RPS6KC1: variants seen among roughly 807,000 people sequenced by gnomAD.
RPS6KC1 encodes ribosomal protein S6 kinase C1.
RPS6KC1 carries 54 observed loss-of-function variants against 103.8 expected under a neutral mutation model. The observed-to-expected ratio is 0.52, with a 90% CI of 0.42 to 0.65. The LOEUF is 0.65. Among genes scored for constraint, RPS6KC1 ranks in the 30% least tolerant of loss-of-function variants. The pLI is 0.00. For missense variants in RPS6KC1, 1,151 were observed against 1,253.8 expected, an observed-to-expected ratio of 0.92 and a Z score of 1.24; for synonymous variants, 439 against 438.7, an observed-to-expected ratio of 1.00 and a Z score of -0.01.
the RPS6KC1 span, among the ~76,000 whole-genome samples, chr1:213,709,824 C>A: frequency 6.6e-6 from 1 of 152,098 alleles, no homozygotes; most frequent in South Asian, 2.1e-4. Flanking sequence ...TGTAGTTGTG[C>A]GGTTTTGAGT....
chr1:213,372,966 A>G, the RPS6KC1 span, among the ~76,000 whole-genome samples: 3 of 152,184 alleles, frequency 2.0e-5, no homozygotes, highest in East Asian at 5.8e-4. Context: ...TTGAAGGTGT[A>G]TGTTTGACAA....
chr1:213,748,829 TC>T, the RPS6KC1 span, among the ~76,000 whole-genome samples: 1 of 152,242 alleles, frequency 6.6e-6, no homozygotes, highest in African/African-American at 2.4e-5. Flanking sequence ...GAACTGTCTC[TC>T]CTTTTCCTTC....
In RPS6KC1 at chr1:213,260,864, G is replaced by A. The variant is rs149770976; in HGVS notation, c.2912-694G>A. ...TTACATTTCAGGAACTTGTGCTGGC[G>A]AGAGATAGGGATAACACAGATAAAA... On this transcript the variant is annotated intron_variant, in intron 12 of 14. Transcript: ENST00000366960. 5.1e-4 allele frequency among the ~76,000 whole-genome samples: 78 copies of A among 152,082 alleles called. No homozygotes were observed. The East Asian group carries it at 6.7e-3, about 13-fold the overall frequency.
chr1:213,583,699 T>G, the RPS6KC1 span, among the ~76,000 whole-genome samples: 1 of 150,952 alleles, frequency 6.6e-6, no homozygotes. Flanking sequence ...TGTGTGCCTG[T>G]AACCCCAGCT....
At position 213,051,304 on chromosome 1, in the gene RPS6KC1, C is replaced by CTCGCCGCT; in HGVS notation, c.-92_-85dup. 1 of 840,378 alleles carries CTCGCCGCT rather than the reference C, an allele frequency of 1.2e-6. No homozygotes were observed. Among genetic ancestry groups the CTCGCCGCT allele is most frequent in the Non-Finnish European group, 1.9e-6 (1 of 520,226 alleles). The allele number at this position is 840,378 out of a possible 1,614,324, so 52.1% of individuals were successfully genotyped here. A position where few individuals can be genotyped will look rare whatever the true frequency, so the allele number is the denominator to read the frequency against. On this transcript the variant is annotated 5_prime_UTR_variant, in exon 1 of 15. Coordinates refer to ENST00000366960, the MANE Select transcript of RPS6KC1 (RefSeq NM_012424.6). ...GGAGCCGCCTTGGAGCCACCGCCCC[C>CTCGCCGCT]TCGCCGCTTCGCCGCTGCGTTGGGG...
intron 6 of RPS6KC1, among the ~76,000 whole-genome samples, chr1:213,162,699 C>T (rs1432298912): frequency 2.0e-5 from 3 of 152,186 alleles, no homozygotes; most frequent in Non-Finnish European, 4.4e-5. Flanking sequence ...AACACTGTCT[C>T]TGTAGGTATT....
In RPS6KC1 at chr1:213,129,676, G is replaced by T. The variant is rs139296657; in HGVS notation, c.622G>T (p.Ala208Ser). The change falls in exon 6 of 15, where the codon GCT becomes TCT. Residue 208 changes from alanine to serine, a missense_variant. Transcript: ENST00000366960. ...SSDSSALGAV[A>S]SDSEQSKTEE... ...GGATTCTTCAGCACTAGGGGCTGTT[G>T]CTTCTGACAGTGAACAGAGCAAAAC... The T allele has an allele frequency of 4.4e-4, 709 of 1,614,012 alleles. 6 individuals carry two copies. In the African/African-American group the frequency reaches 8.6e-3, roughly 20 times the overall value.
the RPS6KC1 span, among the ~76,000 whole-genome samples, chr1:213,499,498 T>C: frequency 3.3e-3 from 497 of 152,334 alleles, 2 homozygotes; most frequent in African/African-American, 0.011. Flanking sequence ...AGTCTCATAA[T>C]GAGTGCAACC....
At chr1:213,585,541 T>G in the RPS6KC1 span, among the ~76,000 whole-genome samples, 9 of 152,220 alleles carry the variant, frequency 5.9e-5, no homozygotes, top group East Asian at 1.9e-4. Context: ...CTGCCCAGTC[T>G]GAAGTCCTGA....
At chr1:213,632,753 C>G in the RPS6KC1 span, among the ~76,000 whole-genome samples, 1 of 152,134 alleles carries the variant, frequency 6.6e-6, no homozygotes, top group African/African-American at 2.4e-5. Context: ...CTTCTCCGAG[C>G]TAAAGGAGGA....
At chr1:213,157,428 C>T (rs919706385) in intron 6 of RPS6KC1, among the ~76,000 whole-genome samples, 3 of 151,996 alleles carry the variant, frequency 2.0e-5, no homozygotes, top group Admixed American at 6.5e-5. Context: ...AGGATGGTCT[C>T]GATCTCCTGA....
the RPS6KC1 span, among the ~76,000 whole-genome samples, chr1:213,445,229 G>A: frequency 5.3e-5 from 8 of 152,108 alleles, no homozygotes; most frequent in Non-Finnish European, 1.5e-5. Flanking sequence ...GACATATCAT[G>A]TTTTATTTCT....
intron 8 of RPS6KC1, among the ~76,000 whole-genome samples, chr1:213,195,456 T>C (rs1249490874): frequency 2.6e-5 from 4 of 152,224 alleles, no homozygotes; most frequent in African/African-American, 4.8e-5. Context: ...TGTTTATTGG[T>C]CTGTCTTTTA....
At chr1:213,724,057 G>A in the RPS6KC1 span, among the ~76,000 whole-genome samples, 3 of 152,074 alleles carry the variant, frequency 2.0e-5, no homozygotes, top group Non-Finnish European at 4.4e-5. Context: ...GAGCATGAGA[G>A]CAGAAATCCT....
the RPS6KC1 span, chr1:213,840,303 C>CT: frequency 6.6e-6 from 1 of 152,178 alleles, no homozygotes; most frequent in East Asian, 1.9e-4. Flanking sequence ...CCTGTCAAAA[C>CT]TTTAAGTTTC....
chr1:213,660,608 A>G, the RPS6KC1 span, among the ~76,000 whole-genome samples: 2 of 152,162 alleles, frequency 1.3e-5, no homozygotes, highest in African/African-American at 4.8e-5. Flanking sequence ...ACACAGATGC[A>G]TATATAAAAG....
intron 8 of RPS6KC1, among the ~76,000 whole-genome samples, chr1:213,192,617 A>G (rs1005631674): frequency 2.6e-5 from 4 of 152,082 alleles, no homozygotes; most frequent in Non-Finnish European, 4.4e-5. Flanking sequence ...GTATGTCTCT[A>G]GGAGGTTTGT....
the RPS6KC1 span, among the ~76,000 whole-genome samples, chr1:213,760,727 G>C: frequency 6.6e-6 from 1 of 152,028 alleles, no homozygotes; most frequent in African/African-American, 2.4e-5. Flanking sequence ...AATCTACTTT[G>C]TGTGTAGATA....
At chr1:213,360,481 A>G in the RPS6KC1 span, among the ~76,000 whole-genome samples, 1 of 152,100 alleles carries the variant, frequency 6.6e-6, no homozygotes, top group Non-Finnish European at 1.5e-5. Flanking sequence ...AAGATTTTTA[A>G]CTTCTTTGCG....
Sources: allele counts gnomAD v4.1 joint callset (sites outside exome capture counted in the v4.1 genomes callset), GRCh38; gene constraint gnomAD v4.1.1; transcripts MANE v1.5; gene names NCBI Gene and HGNC (gene_info 2026-07-23, HGNC 2026-07-21).